Variants in ZNF214 observed in about 807,000 individuals in gnomAD.
The protein encoded by ZNF214 is zinc finger protein 214.
In ZNF214, 43 loss-of-function variants were observed where a neutral mutation model predicts 53.9. The ratio of observed to expected loss-of-function variants is 0.80; its 90% CI spans 0.63 to 1.03. The LOEUF (loss-of-function observed/expected upper bound fraction) is 1.03. Among genes scored for constraint, ZNF214 ranks in the 50% least tolerant of loss-of-function variants. ZNF214 has a pLI of 0.00. For missense variants in ZNF214, 724 were observed against 719.1 expected, an observed-to-expected ratio of 1.01 and a Z score of -0.08; for synonymous variants, 217 against 229.5, an observed-to-expected ratio of 0.95 and a Z score of 0.49.
At position 7,006,518 on chromosome 11, in the gene ZNF214, T is replaced by A. The variant is rs375415220; in HGVS notation, c.-20-3663A>T. Among the ~76,000 whole-genome samples, 5 of 152,110 alleles carry A rather than the reference T, an allele frequency of 3.3e-5. No individual in the cohort carries two copies. The South Asian group carries it at 8.3e-4, about 25-fold the overall frequency. On this transcript the variant is annotated intron_variant, in intron 1 of 2. Transcript: ENST00000278314. Reference sequence around the variant, plus strand: ...TTTGAAATGGATTCTTAGCTACATATTAGTTCATGACTAATACATCTCCTT... The same window carrying A: ...TTTGAAATGGATTCTTAGCTACATAATAGTTCATGACTAATACATCTCCTT...
chr11:7,018,622 C>G (rs917338193), intron 1 of ZNF214, among the ~76,000 whole-genome samples: 1 of 150,090 alleles, frequency 6.7e-6, no homozygotes, highest in African/African-American at 2.5e-5. Context: ...CTGCTTCAGC[C>G]TCCTGAGTAG....
chr11:7,011,893 A>T (rs1036777357), intron 1 of ZNF214, among the ~76,000 whole-genome samples: 1 of 152,138 alleles, frequency 6.6e-6, no homozygotes, highest in African/African-American at 2.4e-5. Context: ...ATCTTAACCA[A>T]GAATACAAAT....
chr11:7,016,932 C>CA (rs1236577131), intron 1 of ZNF214, among the ~76,000 whole-genome samples: 1 of 152,056 alleles, frequency 6.6e-6, no homozygotes, highest in African/African-American at 2.4e-5. Context: ...AATGAGATTT[C>CA]ATTTTATGCA....
chr11:7,006,698 G>A (rs1038390663), intron 1 of ZNF214, among the ~76,000 whole-genome samples: 4 of 151,824 alleles, frequency 2.6e-5, no homozygotes, highest in African/African-American at 9.7e-5. Flanking sequence ...ACTAATACAG[G>A]CTTATTTCTA....
intron 1 of ZNF214, among the ~76,000 whole-genome samples, chr11:7,007,384 A>G (rs1012214114): frequency 1.3e-5 from 2 of 151,128 alleles, no homozygotes; most frequent in Non-Finnish European, 3.0e-5. Context: ...ATTAAAAAAT[A>G]AGATTTAGCA....
chr11:7,008,620 C>T (rs556700257), intron 1 of ZNF214, among the ~76,000 whole-genome samples: 1 of 152,032 alleles, frequency 6.6e-6, no homozygotes, highest in South Asian at 2.1e-4. Flanking sequence ...GAAAAGGCAT[C>T]CAAATAAAGA....
Position 7,002,425 on chromosome 11 carries a change from GA to G in ZNF214, c.127+283del, listed in dbSNP as rs1458464525. Reference sequence around the variant, plus strand: ...AACTTATACAAATAGCATGAAGAGAGAAAAAATTTAGGACCACACAAAATTG... The same window carrying G: ...AACTTATACAAATAGCATGAAGAGAGAAAAATTTAGGACCACACAAAATTG... On this transcript the variant is annotated intron_variant, in intron 2 of 2. Coordinates refer to ENST00000278314, the MANE Select transcript of ZNF214 (RefSeq NM_013249.4). Among the ~76,000 whole-genome samples, 3 of 152,016 alleles carry G rather than the reference GA, an allele frequency of 2.0e-5. No individual in the cohort carries two copies. In the East Asian group the frequency reaches 5.8e-4, roughly 29 times the overall value.
At chr11:7,013,161 T>C (rs754321861) in intron 1 of ZNF214, among the ~76,000 whole-genome samples, 3 of 152,176 alleles carry the variant, frequency 2.0e-5, no homozygotes, top group Admixed American at 1.3e-4. Context: ...AAAAGCTGCA[T>C]TGTTTTTATG....
chr11:7,015,204 A>G (rs1282127055), intron 1 of ZNF214, among the ~76,000 whole-genome samples: 1 of 151,860 alleles, frequency 6.6e-6, no homozygotes, highest in Non-Finnish European at 1.5e-5. Flanking sequence ...TAATAGCAAT[A>G]AGAATATAAA....
rs1391657278 is a variant in ZNF214 at position 7,018,508 on chromosome 11, T to G, written c.-21+1565A>C. Among the ~76,000 whole-genome samples the G allele has an allele frequency of 5.0e-5, 7 of 141,328 alleles. 1 individual carries two copies. The Admixed American group carries it at 5.0e-4, about 10-fold the overall frequency. 92.7% of individuals were successfully genotyped at this position (141,328 alleles called of 152,430 possible). ...CCAATGTTAAGACTTTTTTTTTTTT[T>G]TTTTTTTTTTTGAGAGGGAGTCTTC... On this transcript the variant is annotated intron_variant, in intron 1 of 2. Coordinates refer to ENST00000278314, the MANE Select transcript of ZNF214 (RefSeq NM_013249.4).
rs1341356356 is a variant in ZNF214 at position 7,002,856 on chromosome 11, C to G, written c.-20-1G>C. 1.3e-6 allele frequency: 2 copies of G among 1,570,182 alleles called. No individual in the cohort carries two copies. The highest frequency in any genetic ancestry group is 2.8e-5 in the African/African-American group (2 of 71,998). Reference sequence around the variant, plus strand: ...GCCATCTGGTCAAAGATCAGGCTTTCTAGGAAAAAGAAATCTAAGTGAGAA... The same window carrying G: ...GCCATCTGGTCAAAGATCAGGCTTTGTAGGAAAAAGAAATCTAAGTGAGAA... On this transcript the variant is annotated splice_acceptor_variant, in intron 1 of 2. Coordinates refer to ENST00000278314, the MANE Select transcript of ZNF214 (RefSeq NM_013249.4). LOFTEE classifies it low-confidence loss of function (5UTR_SPLICE).
At chr11:7,009,968 G>A (rs1851566682) in intron 1 of ZNF214, among the ~76,000 whole-genome samples, 1 of 152,072 alleles carries the variant, frequency 6.6e-6, no homozygotes. Context: ...ATACGCTGAT[G>A]GTGGGAATGT....
At chr11:7,010,275 T>C (rs576542238) in intron 1 of ZNF214, among the ~76,000 whole-genome samples, 74 of 152,186 alleles carry the variant, frequency 4.9e-4, no homozygotes, top group Non-Finnish European at 9.9e-4. Context: ...TGCAGCAACA[T>C]GGATGGAGCT....
chr11:7,004,793 G>A (rs1851435946), intron 1 of ZNF214, among the ~76,000 whole-genome samples: 1 of 152,060 alleles, frequency 6.6e-6, no homozygotes, highest in South Asian at 2.1e-4. Flanking sequence ...TCCAACCACG[G>A]TGCAGCTTTC....
Position 7,000,125 on chromosome 11 carries a change from G to C in ZNF214, c.1558C>G (p.His520Asp). The C allele has an allele frequency of 6.2e-7, 1 of 1,613,306 alleles. No individual in the cohort carries two copies. Among genetic ancestry groups the C allele is most frequent in the Non-Finnish European group, 8.5e-7 (1 of 1,179,584 alleles). ...CATTTATAGGGCTTTTCTCCTGTAT[G>C]GACTCTCTGATGAATGAGAAGATGT... ...RSHLLIHQRVHTGEKPYKCHD... is the reference protein window; with the variant it reads ...RSHLLIHQRVDTGEKPYKCHD... Residue 520 changes from histidine to aspartate, a missense_variant, in exon 3 of 3, where the codon CAT (histidine) becomes GAT (aspartate). Transcript: ENST00000278314.
At chr11:7,011,581 A>G (rs141194428) in intron 1 of ZNF214, among the ~76,000 whole-genome samples, 1 of 152,116 alleles carries the variant, frequency 6.6e-6, no homozygotes, top group Non-Finnish European at 1.5e-5. Flanking sequence ...TTAATGGAGA[A>G]ACTTCACATA....
chr11:7,014,336 A>G (rs148778079), intron 1 of ZNF214, among the ~76,000 whole-genome samples: 25 of 152,320 alleles, frequency 1.6e-4, no homozygotes, highest in African/African-American at 5.3e-4. Flanking sequence ...ACAGCAAAAA[A>G]CTAAAGCAAT....
Position 6,998,965 on chromosome 11 carries a change from C to T in ZNF214, c.*897G>A, listed in dbSNP as rs1006104158. 2.0e-5 allele frequency among the ~76,000 whole-genome samples: 3 copies of T among 151,938 alleles called. No individual in the cohort carries two copies. The highest frequency in any genetic ancestry group is 7.2e-5 in the African/African-American group (3 of 41,388). ...TTACATAATTAGCTTCAGGGTTCAT[C>T]GTTGCACAGAGTTCTGAGTTCAATG... On this transcript the variant is annotated 3_prime_UTR_variant, in exon 3 of 3. Transcript: ENST00000278314.
Position 7,002,699 on chromosome 11 carries a change from A to G in ZNF214, c.127+10T>C. 1 of 1,586,254 alleles carries G rather than the reference A, an allele frequency of 6.3e-7. No individual in the cohort carries two copies. Among genetic ancestry groups the G allele is most frequent in the Non-Finnish European group, 8.6e-7 (1 of 1,169,496 alleles). ...GAAACTCTATTCCCTATGAGACGGG[A>G]TAACTTTACCTACTGACATGACATT... On this transcript the variant is annotated intron_variant, in intron 2 of 2. Transcript: ENST00000278314.
Sources: allele counts gnomAD v4.1 joint callset (sites outside exome capture counted in the v4.1 genomes callset), GRCh38; gene constraint gnomAD v4.1.1; transcripts MANE v1.5; gene names NCBI Gene and HGNC (gene_info 2026-07-23, HGNC 2026-07-21).